Variants in TMEM221 observed in about 807,000 individuals in gnomAD.
TMEM221 encodes transmembrane protein 221, also known as Putative transmembrane protein ENSP00000342162.
In TMEM221, 11 loss-of-function variants were observed where a neutral mutation model predicts 10.2. The ratio of observed to expected loss-of-function variants is 1.08; its 90% CI spans 0.68 to 1.79. The LOEUF is 1.79. Ranked by LOEUF, TMEM221 falls within the 40% of genes most tolerant of loss-of-function variation. TMEM221 has a pLI of 0.00. For missense variants in TMEM221, 382 were observed against 417.7 expected, an observed-to-expected ratio of 0.91 and a Z score of 0.75; for synonymous variants, 172 against 199.8, an observed-to-expected ratio of 0.86 and a Z score of 1.18.
At chr19:17,444,348 G>A (rs931333953) in intron 2 of TMEM221, among the ~76,000 whole-genome samples, 4 of 151,654 alleles carry the variant, frequency 2.6e-5, no homozygotes, top group African/African-American at 4.8e-5. Flanking sequence ...CCCTCAAAGT[G>A]CTGGGATTAC....
At chr19:17,441,976 GGGAGGTGAATGAATT>G (rs2074933781) in intron 2 of TMEM221, among the ~76,000 whole-genome samples, 2 of 152,146 alleles carry the variant, frequency 1.3e-5, no homozygotes, top group Non-Finnish European at 2.9e-5. Context: ...CAATCTAAAT[GGGAGGTGAATGAATT>G]CTCAATTTTA....
At position 17,448,403 on chromosome 19, in the gene TMEM221, C is replaced by T. The variant is rs2074961774; in HGVS notation, c.60G>A (p.Ala20=). 1.4e-6 allele frequency: 2 copies of T among 1,462,206 alleles called. No individual in the cohort carries two copies. The highest frequency in any genetic ancestry group is 1.5e-5 in the African/African-American group (1 of 68,084). The allele number at this position is 1,462,206 out of a possible 1,614,324, so 90.6% of individuals were successfully genotyped here. The change falls in exon 1 of 3, where the codon GCG becomes GCA. Residue 20 remains alanine, a synonymous_variant. Transcript: ENST00000341130. This position sits in a 1 kb window ranked among gnomAD's most constrained non-coding sequence, Gnocchi z 4.7. ...GCGCGCCCAGCGCCGCCAGCACGGC[C>T]GCCGCGATGCCCAGCAGGGTCATTG... is the stretch of plus-strand genomic sequence containing the variant. The part of the protein sequence containing the change: ...LAAMTLLGIA[A]AVLAALGAQL...
intron 2 of TMEM221, among the ~76,000 whole-genome samples, chr19:17,442,441 T>TC: frequency 1.0e-5 from 1 of 98,588 alleles, no homozygotes. Context: ...TTCTTTTCTT[T>TC]CTTTTTTTTT....
chr19:17,437,412 T>A (rs968461534), intron 2 of TMEM221, among the ~76,000 whole-genome samples: 8 of 151,998 alleles, frequency 5.3e-5, no homozygotes, highest in African/African-American at 1.9e-4. Flanking sequence ...CACCCAAGAG[T>A]GTCCGAGGCT....
Position 17,436,477 on chromosome 19 carries a change from T to G in TMEM221, c.857A>C (p.Lys286Thr). Residue 286 changes from lysine to threonine, a missense_variant, in exon 3 of 3, where the codon AAG becomes ACG. Physicochemically the swap from Lys to Thr is moderately conservative, Grantham distance 78. Transcript: ENST00000341130. ...MLGHRPGSMG[K>T]DSTLV ...CTGGGCTCACACCAGTGTGGAGTCC[T>G]TCCCCATGCTCCCTGGTCTGTGGCC... 6.6e-7 allele frequency: 1 copy of G among 1,525,170 alleles called. No homozygotes were observed. Among genetic ancestry groups the G allele is most frequent in the Non-Finnish European group, 8.8e-7 (1 of 1,139,156 alleles). The allele number at this position is 1,525,170 out of a possible 1,614,324, so 94.5% of individuals were successfully genotyped here.
At chr19:17,445,654 C>G (rs1048718655) in intron 1 of TMEM221, among the ~76,000 whole-genome samples, 1 of 150,524 alleles carries the variant, frequency 6.6e-6, no homozygotes, top group Non-Finnish European at 1.5e-5. Context: ...ACCCACTTAC[C>G]CATCCATCCA....
chr19:17,446,963 T>C (rs2074955324), intron 1 of TMEM221, among the ~76,000 whole-genome samples: 1 of 152,064 alleles, frequency 6.6e-6, no homozygotes, highest in Non-Finnish European at 1.5e-5. Flanking sequence ...CTCAAATTCC[T>C]GGCCTCCCAG....
At chr19:17,443,819 A>G (rs979591111) in intron 2 of TMEM221, among the ~76,000 whole-genome samples, 1 of 152,078 alleles carries the variant, frequency 6.6e-6, no homozygotes, top group Admixed American at 6.6e-5. Flanking sequence ...CATTTGTTTC[A>G]AGATTAAAAC....
intron 2 of TMEM221, among the ~76,000 whole-genome samples, chr19:17,438,524 C>T (rs1163521100): frequency 3.3e-5 from 5 of 151,662 alleles, no homozygotes; most frequent in African/African-American, 1.2e-4. Flanking sequence ...TGTGTCCTAC[C>T]GGGTTTTCTT....
At chr19:17,447,826 T>C (rs942640295) in intron 1 of TMEM221, among the ~76,000 whole-genome samples, 1 of 152,170 alleles carries the variant, frequency 6.6e-6, no homozygotes. Flanking sequence ...CCAGACAGCC[T>C]GAGAGCTCAG....
At chr19:17,444,605 T>G (rs2074945009) in intron 2 of TMEM221, among the ~76,000 whole-genome samples, 1 of 140,598 alleles carries the variant, frequency 7.1e-6, no homozygotes, top group South Asian at 2.3e-4. Flanking sequence ...CATGGCTCAC[T>G]GCAGCCTCAA....
At chr19:17,445,833 T>A (rs961502231) in intron 1 of TMEM221, among the ~76,000 whole-genome samples, 7 of 151,636 alleles carry the variant, frequency 4.6e-5, no homozygotes, top group African/African-American at 1.7e-4. Context: ...CATTCATTCA[T>A]CCATCCACTT....
rs2074907680 is a variant in TMEM221 at position 17,436,264 on chromosome 19, C to G, written c.*194G>C. The G allele has an allele frequency of 3.4e-6, 2 of 582,104 alleles. No individual in the cohort carries two copies. Among genetic ancestry groups the G allele is most frequent in the Non-Finnish European group, 5.8e-6 (2 of 343,048 alleles). 36.1% of individuals were successfully genotyped at this position (582,104 alleles called of 1,614,324 possible). On this transcript the variant is annotated 3_prime_UTR_variant, in exon 3 of 3. Transcript: ENST00000341130. ...ACACCTAGCCAGCGCTGGCCTCTGA[C>G]TTTCCCTCAGAATGAGGAGGTGAAG...
At chr19:17,437,730 C>G (rs2074915136) in intron 2 of TMEM221, among the ~76,000 whole-genome samples, 1 of 150,352 alleles carries the variant, frequency 6.7e-6, no homozygotes, top group African/African-American at 2.5e-5. Context: ...TCAGTCTGAA[C>G]AAAAAGAAAA....
chr19:17,445,338 G>T, intron 1 of TMEM221, 54 bp from the exon 2 acceptor site: 1 of 1,459,348 alleles, frequency 6.9e-7, no homozygotes, highest in South Asian at 1.2e-5. Flanking sequence ...AGCTGGTGGG[G>T]GGAGGTCAGT....
chr19:17,448,122 C>T lies in TMEM221; in HGVS notation c.320+21G>A. ...CCAGCCCCCAGCCGGGCCTCCGAGG[C>T]GGTGAGGCCAGTCCTCCTACCTCCT... On this transcript the variant is annotated intron_variant, in intron 1 of 2. Transcript: ENST00000341130. This position sits in a 1 kb window ranked among gnomAD's most constrained non-coding sequence, Gnocchi z 4.7. The T allele has an allele frequency of 7.5e-7, 1 of 1,336,968 alleles. No homozygotes were observed. Among genetic ancestry groups the T allele is most frequent in the Non-Finnish European group, 9.6e-7 (1 of 1,046,142 alleles). 82.8% of individuals were successfully genotyped at this position (1,336,968 alleles called of 1,614,324 possible).
Position 17,448,547 on chromosome 19 carries a change from C to T in TMEM221, c.-85G>A, listed in dbSNP as rs958926578. 1 of 1,119,500 alleles carries T rather than the reference C, an allele frequency of 8.9e-7. No individual in the cohort carries two copies. The highest frequency in any genetic ancestry group is 1.7e-5 in the African/African-American group (1 of 60,508). 69.3% of individuals were successfully genotyped at this position (1,119,500 alleles called of 1,614,324 possible). On this transcript the variant is annotated 5_prime_UTR_variant, in exon 1 of 3. Coordinates refer to ENST00000341130, the MANE Select transcript of TMEM221 (RefSeq NM_001190844.2). The surrounding 1 kb of genome is among the most constrained non-coding windows in gnomAD (Gnocchi z 4.7). ...GGGGAGTTGGGGGGAATCCGAGGGT[C>T]CTCAGGGGGTCCCCGAGGGGGCGGG...
At position 17,436,354 on chromosome 19, in the gene TMEM221, TA is replaced by T; in HGVS notation, c.*103del. ...TTGAGGACAAAAGCCAAGGATGCAATAAAATGAGAGAAAAATCAAGTCCTAC... is the reference window on the plus strand; with the variant it reads ...TTGAGGACAAAAGCCAAGGATGCAATAAATGAGAGAAAAATCAAGTCCTAC... On this transcript the variant is annotated 3_prime_UTR_variant, in exon 3 of 3. Coordinates refer to ENST00000341130, the MANE Select transcript of TMEM221 (RefSeq NM_001190844.2). 8.6e-7 allele frequency: 1 copy of T among 1,169,476 alleles called. No homozygotes were observed. The highest frequency in any genetic ancestry group is 1.1e-6 in the Non-Finnish European group (1 of 874,164). 72.4% of individuals were successfully genotyped at this position (1,169,476 alleles called of 1,614,324 possible).
chr19:17,448,477 CG>C lies in TMEM221; in HGVS notation c.-16del. ...GAACGGGCCATGGCGGGGGTTCCTG[CG>C]GGCCGGGGGAAGAGTTGAGGAATTG... On this transcript the variant is annotated 5_prime_UTR_variant, in exon 1 of 3. Transcript: ENST00000341130. The surrounding 1 kb of genome is among the most constrained non-coding windows in gnomAD (Gnocchi z 4.7). 6.9e-7 allele frequency: 1 copy of C among 1,455,060 alleles called. No individual in the cohort carries two copies. The highest frequency in any genetic ancestry group is 3.0e-5 in the East Asian group (1 of 33,014). 90.1% of individuals were successfully genotyped at this position (1,455,060 alleles called of 1,614,324 possible). A position where few individuals can be genotyped will look rare whatever the true frequency, so the allele number is the denominator to read the frequency against.
Sources: gnomAD v4.1 joint callset for allele counts (sites outside exome capture counted in the v4.1 genomes callset) on GRCh38, gnomAD v4.1.1 for gene constraint, Gnocchi (gnomAD v3.1) non-coding constraint, MANE v1.5 for transcripts, NCBI Gene and HGNC (gene_info 2026-07-23, HGNC 2026-07-21) for gene names.